The following NCOA7 variants were observed in gnomAD, a reference collection of about 807,000 sequenced individuals.
The protein encoded by NCOA7 is 140 kDa estrogen receptor-associated protein.
Under a neutral mutation model 104.3 loss-of-function variants are expected in NCOA7, and 45 were observed. The ratio of observed to expected loss-of-function variants is 0.43; its 90% CI spans 0.34 to 0.55. NCOA7 has a LOEUF of 0.55. Ranked by LOEUF, NCOA7 falls within the 20% of genes least tolerant of loss-of-function variation. NCOA7 has a pLI of 0.02. For missense variants in NCOA7, 1,041 were observed against 1,119.7 expected, an observed-to-expected ratio of 0.93 and a Z score of 1.00; for synonymous variants, 398 against 402.3, an observed-to-expected ratio of 0.99 and a Z score of 0.13.
chr6:125,910,275 G>A (rs1786408137), intron 10 of NCOA7, among the ~76,000 whole-genome samples: 1 of 152,182 alleles, frequency 6.6e-6, no homozygotes, highest in African/African-American at 2.4e-5. Flanking sequence ...ATTAGGGACT[G>A]CATGCCTTTT....
At chr6:125,858,891 G>T (rs968478782) in intron 3 of NCOA7, among the ~76,000 whole-genome samples, 1 of 152,068 alleles carries the variant, frequency 6.6e-6, no homozygotes, top group Non-Finnish European at 1.5e-5. Context: ...GTTCTCTACC[G>T]CTAGATGGAG....
At chr6:125,831,945 G>T (rs889023440) in intron 2 of NCOA7, among the ~76,000 whole-genome samples, 5 of 152,078 alleles carry the variant, frequency 3.3e-5, no homozygotes, top group African/African-American at 1.2e-4. Flanking sequence ...AGTTTATTGG[G>T]CCATATTTGT....
chr6:125,918,944 G>T (rs1443597813), intron 11 of NCOA7, among the ~76,000 whole-genome samples: 4 of 151,816 alleles, frequency 2.6e-5, no homozygotes, highest in Admixed American at 2.6e-4. Context: ...AAGGTGCTGG[G>T]GGCGGGGGAG....
intron 11 of NCOA7, among the ~76,000 whole-genome samples, chr6:125,919,585 T>C (rs1012513554): frequency 4.6e-5 from 7 of 152,240 alleles, no homozygotes; most frequent in Non-Finnish European, 7.3e-5. Context: ...GGTTATGGTG[T>C]GGTTGCCTCT....
At chr6:125,928,095 T>C in intron 14 of NCOA7, 79 bp from the exon 15 acceptor site, 2 of 1,317,240 alleles carry the variant, frequency 1.5e-6, no homozygotes, top group Non-Finnish European at 2.2e-6. Context: ...CTTTTACATA[T>C]AGATACTATT....
intron 10 of NCOA7, among the ~76,000 whole-genome samples, chr6:125,898,296 A>G (rs1785214105): frequency 6.6e-6 from 1 of 152,228 alleles, no homozygotes; most frequent in African/African-American, 2.4e-5. Context: ...CCTGAATTGC[A>G]ACATTATAAA....
At chr6:125,903,524 C>T (rs1455445521) in intron 10 of NCOA7, among the ~76,000 whole-genome samples, 1 of 152,180 alleles carries the variant, frequency 6.6e-6, no homozygotes, top group South Asian at 2.1e-4. Context: ...GCAGCTTCAG[C>T]TATTCACATA....
rs1779361788 is a variant in NCOA7, at chr6:125,833,575, G to C, written c.50+18171G>C. Among the ~76,000 whole-genome samples the C allele has an allele frequency of 3.1e-5, 3 of 96,136 alleles. No individual in the cohort carries two copies. In the South Asian group the frequency reaches 1.1e-3, roughly 35 times the overall value. The allele number at this position is 96,136 out of a possible 152,430, so 63.1% of individuals were successfully genotyped here. ...GCAACAGAGCAAGATTCTGTCAAAA[G>C]AAAAGGAAAGGAAAGGGAGGGGGGG... On this transcript the variant is annotated intron_variant, in intron 2 of 15. Transcript: ENST00000392477.
chr6:125,880,406 C>G (rs1170788381), intron 5 of NCOA7, among the ~76,000 whole-genome samples: 1 of 152,090 alleles, frequency 6.6e-6, no homozygotes, highest in African/African-American at 2.4e-5. Context: ...CTCTCCTATC[C>G]AATTTCTACT....
At chr6:125,878,574 A>G (rs931061353) in intron 5 of NCOA7, among the ~76,000 whole-genome samples, 2 of 152,178 alleles carry the variant, frequency 1.3e-5, no homozygotes, top group Admixed American at 6.5e-5. Context: ...CAGTGACACC[A>G]TCATGGCTCA....
intron 1 of NCOA7, among the ~76,000 whole-genome samples, chr6:125,805,630 T>C (rs1776377277): frequency 6.6e-6 from 1 of 152,230 alleles, no homozygotes; most frequent in Admixed American, 6.5e-5. Context: ...AACTCCCTCA[T>C]GCAGTCATAA....
At chr6:125,921,772 T>A (rs778477696) in intron 12 of NCOA7, among the ~76,000 whole-genome samples, 6 of 152,238 alleles carry the variant, frequency 3.9e-5, no homozygotes, top group Non-Finnish European at 7.3e-5. Context: ...AAAGGCACTC[T>A]ACTTGCTTTA....
intron 2 of NCOA7, among the ~76,000 whole-genome samples, chr6:125,839,605 C>T (rs1026048591): frequency 7.2e-5 from 11 of 152,078 alleles, no homozygotes; most frequent in Admixed American, 2.6e-4. Context: ...ATACAAAAGA[C>T]GCTCTTTATC....
chr6:125,916,204 G>C (rs1787063302), intron 11 of NCOA7, among the ~76,000 whole-genome samples: 1 of 152,146 alleles, frequency 6.6e-6, no homozygotes, highest in African/African-American at 2.4e-5. Context: ...CGCTACGCTC[G>C]CTCGCTCTCC....
chr6:125,869,440 T>C lies in NCOA7; in HGVS notation c.272-5449T>C, dbSNP rs543498149. Among the ~76,000 whole-genome samples, 14 of 152,302 alleles carry C rather than the reference T, an allele frequency of 9.2e-5. 1 individual carries two copies. The highest frequency in any genetic ancestry group is 5.2e-4 in the Admixed American group (8 of 15,298). ...CTTTTCCCACAGATCTGTTCTCCAA[T>C]TCTGACAGGCAGACTAATGACCCCC... On this transcript the variant is annotated intron_variant, in intron 3 of 15. Transcript: ENST00000392477.
intron 10 of NCOA7, 29 bp downstream of exon 10, chr6:125,890,839 TG>T (rs751553356): frequency 1.3e-6 from 2 of 1,506,176 alleles, no homozygotes. Context: ...GGAAAGTCTG[TG>T]GGTCTGTTAG....
chr6:125,926,724 A>G (rs903606753), intron 13 of NCOA7, among the ~76,000 whole-genome samples: 4 of 152,238 alleles, frequency 2.6e-5, no homozygotes, highest in Admixed American at 2.0e-4. Flanking sequence ...AAGACAGCAC[A>G]CAGAGATTGT....
intron 1 of NCOA7, among the ~76,000 whole-genome samples, chr6:125,798,327 A>G (rs1017458275): frequency 1.3e-5 from 2 of 152,200 alleles, no homozygotes; most frequent in Non-Finnish European, 2.9e-5. Flanking sequence ...TTAGGAAGTT[A>G]TTTTCTCCAC....
At chr6:125,908,650 C>T (rs1001693576) in intron 10 of NCOA7, among the ~76,000 whole-genome samples, 1 of 152,192 alleles carries the variant, frequency 6.6e-6, no homozygotes, top group African/African-American at 2.4e-5. Flanking sequence ...CCCCATCCAC[C>T]TTCCCGATGG....
Sources: gnomAD v4.1 joint callset for allele counts (sites outside exome capture counted in the v4.1 genomes callset) on GRCh38, gnomAD v4.1.1 for gene constraint, MANE v1.5 for transcripts, NCBI Gene and HGNC (gene_info 2026-07-23, HGNC 2026-07-21) for gene names.